KIF16B: variants seen among roughly 807,000 people sequenced by gnomAD.
The protein encoded by KIF16B is kinesin family member 16B, also known as kinesin-like protein KIF16B.
In KIF16B, 98 loss-of-function variants were observed where a neutral mutation model predicts 156.3. That is an observed-to-expected ratio of 0.63 (90% CI 0.53 to 0.74). KIF16B has a LOEUF of 0.74. Ranked by LOEUF, KIF16B falls within the 30% of genes least tolerant of loss-of-function variation. The pLI, the probability that KIF16B is intolerant of heterozygous loss-of-function variation, is 0.00. For missense variants in KIF16B, 1,421 were observed against 1,606.5 expected (o/e 0.88, Z 1.97); for synonymous variants, 564 against 583.7 (o/e 0.97, Z 0.49).
intron 12 of KIF16B, among the ~76,000 whole-genome samples, chr20:16,433,469 G>A (rs143590694): frequency 2.0e-5 from 3 of 151,930 alleles, no homozygotes; most frequent in African/African-American, 7.2e-5. Flanking sequence ...TAACCATTGA[G>A]AAACACTTTT....
At chr20:16,500,234 G>A (rs953732348) in intron 10 of KIF16B, among the ~76,000 whole-genome samples, 1 of 152,066 alleles carries the variant, frequency 6.6e-6, no homozygotes, top group Admixed American at 6.6e-5. Flanking sequence ...TGCATTTATT[G>A]TATTTCAATG....
chr20:16,382,076 T>C (rs1237649326), intron 17 of KIF16B: 8 of 1,329,628 alleles, frequency 6.0e-6, no homozygotes, highest in Non-Finnish European at 8.1e-6. Context: ...CTGATGAGTA[T>C]ATAAAAATGG....
intron 12 of KIF16B, among the ~76,000 whole-genome samples, chr20:16,439,838 G>A (rs1048036988): frequency 2.0e-5 from 3 of 152,016 alleles, no homozygotes; most frequent in South Asian, 2.1e-4. Context: ...AGACTTATTC[G>A]CTATCATGAG....
intron 17 of KIF16B, chr20:16,382,124 GA>G: frequency 2.2e-6 from 3 of 1,352,894 alleles, no homozygotes; most frequent in Non-Finnish European, 2.0e-6. Context: ...CTTTTATAGG[GA>G]AAAGACTGCC....
intron 12 of KIF16B, among the ~76,000 whole-genome samples, chr20:16,475,013 C>T (rs1037999360): frequency 6.6e-5 from 10 of 152,236 alleles, no homozygotes; most frequent in African/African-American, 2.4e-4. Context: ...AGCAAGTGTT[C>T]GATAAAAGTT....
At position 16,528,440 on chromosome 20, in the gene KIF16B, C is replaced by T. The variant is rs752328301; in HGVS notation, c.48G>A (p.Arg16=). The change falls in exon 2 of 26, where the codon AGG becomes AGA. Residue 16 remains arginine, a splice_region_variant and synonymous_variant. Transcript: ENST00000354981. ...TGAACTTGGCCTCCAAGTCCTTTTC[C>T]CTGCAATACAAATAATTCAGTAGTG... ...VAVRVRPMNR[R]EKDLEAKFII... 6.2e-6 allele frequency: 10 copies of T among 1,602,330 alleles called. No homozygotes were observed. The African/African-American group carries it at 1.1e-4, about 17-fold the overall frequency.
At chr20:16,565,542 C>G (rs1487907609) in intron 1 of KIF16B, among the ~76,000 whole-genome samples, 1 of 152,200 alleles carries the variant, frequency 6.6e-6, no homozygotes, top group Non-Finnish European at 1.5e-5. Flanking sequence ...CTTGCCCAGT[C>G]ACTCGGCTAG....
intron 25 of KIF16B, among the ~76,000 whole-genome samples, chr20:16,291,246 G>C (rs1286658535): frequency 6.6e-6 from 1 of 152,190 alleles, no homozygotes; most frequent in Admixed American, 6.5e-5. Flanking sequence ...AATTACTCTA[G>C]AGAAGAAAGT....
chr20:16,479,051 A>G (rs536895992), intron 12 of KIF16B, among the ~76,000 whole-genome samples: 82 of 152,370 alleles, frequency 5.4e-4, no homozygotes, highest in African/African-American at 1.8e-3. Context: ...GAAAACGAGT[A>G]CAATGAATAA....
chr20:16,545,527 T>C (rs1456041686), intron 1 of KIF16B, among the ~76,000 whole-genome samples: 1 of 152,104 alleles, frequency 6.6e-6, no homozygotes, highest in Non-Finnish European at 1.5e-5. Flanking sequence ...TAGCCAGGTG[T>C]GGTGGCAAGC....
chr20:16,573,336 G>C lies in KIF16B; in HGVS notation c.-61C>G. On this transcript the variant is annotated 5_prime_UTR_variant, in exon 1 of 26. Transcript: ENST00000354981. ...AGCCCAGAACTCCGCGGTCGCCGGCGACGCTGGCTACTCAGATCGCGGCTC... is the reference window on the plus strand; with the variant it reads ...AGCCCAGAACTCCGCGGTCGCCGGCCACGCTGGCTACTCAGATCGCGGCTC... 1 of 1,572,746 alleles carries C rather than the reference G, an allele frequency of 6.4e-7. No individual in the cohort carries two copies. The highest frequency in any genetic ancestry group is 8.7e-7 in the Non-Finnish European group (1 of 1,151,306).
chr20:16,414,420 A>G (rs2066035638), intron 15 of KIF16B, among the ~76,000 whole-genome samples: 1 of 152,148 alleles, frequency 6.6e-6, no homozygotes, highest in South Asian at 2.1e-4. Flanking sequence ...ATGATACCTT[A>G]TCAAAAAGCT....
intron 1 of KIF16B, among the ~76,000 whole-genome samples, chr20:16,529,915 C>A (rs185934454): frequency 7.7e-4 from 117 of 152,272 alleles, no homozygotes; most frequent in South Asian, 8.3e-4. Context: ...CACGCCACTG[C>A]ACTCACTCCA....
intron 1 of KIF16B, among the ~76,000 whole-genome samples, chr20:16,548,893 C>T (rs1600676416): frequency 1.3e-5 from 2 of 152,108 alleles, no homozygotes; most frequent in South Asian, 2.1e-4. Context: ...AAGATGCCTC[C>T]CCAAAATACT....
intron 23 of KIF16B, among the ~76,000 whole-genome samples, chr20:16,354,332 G>T (rs2064394412): frequency 6.6e-6 from 1 of 152,140 alleles, no homozygotes; most frequent in Non-Finnish European, 1.5e-5. Flanking sequence ...CTGCTGTTGA[G>T]TTCTATGTGC....
At chr20:16,570,121 CA>C (rs1471277410) in intron 1 of KIF16B, among the ~76,000 whole-genome samples, 2 of 152,112 alleles carry the variant, frequency 1.3e-5, no homozygotes, top group East Asian at 3.9e-4. Flanking sequence ...AATAATCCAC[CA>C]AATGATTTAC....
chr20:16,568,642 C>T (rs560752977), intron 1 of KIF16B, among the ~76,000 whole-genome samples: 2 of 151,708 alleles, frequency 1.3e-5, no homozygotes, highest in Admixed American at 6.6e-5. Context: ...AGGGAGACCC[C>T]GTCTCTACAA....
intron 23 of KIF16B, among the ~76,000 whole-genome samples, chr20:16,339,895 C>T (rs140470056): frequency 1.3e-5 from 2 of 152,300 alleles, no homozygotes; most frequent in Non-Finnish European, 2.9e-5. Flanking sequence ...GGTCTCCTTG[C>T]TTATAGTCTT....
chr20:16,432,733 TAAC>T (rs995416994), intron 12 of KIF16B, among the ~76,000 whole-genome samples: 14 of 151,540 alleles, frequency 9.2e-5, no homozygotes, highest in Admixed American at 7.2e-4. Context: ...TGAAATGAAG[TAAC>T]AACAACAACA....
Sources: gnomAD v4.1 joint callset for allele counts (sites outside exome capture counted in the v4.1 genomes callset) on GRCh38, gnomAD v4.1.1 for gene constraint, MANE v1.5 for transcripts, NCBI Gene and HGNC (gene_info 2026-07-23, HGNC 2026-07-21) for gene names.